The following CFTR variants were observed in gnomAD, a reference collection of about 807,000 sequenced individuals.
CFTR encodes CF transmembrane conductance regulator.
In CFTR, 181 loss-of-function variants were observed where a neutral mutation model predicts 171.6. The observed-to-expected ratio is 1.05, with a 90% CI of 0.93 to 1.19. CFTR has a LOEUF of 1.19. Among genes scored for constraint, CFTR ranks in the 50% most tolerant of loss-of-function variants. CFTR has a pLI of 0.00. For missense variants in CFTR, 1,968 were observed against 1,734.7 expected, an observed-to-expected ratio of 1.13 and a Z score of -2.39; for synonymous variants, 583 against 608.0, an observed-to-expected ratio of 0.96 and a Z score of 0.60.
At chr7:117,596,353 G>A (rs1349652377) in intron 15 of CFTR, among the ~76,000 whole-genome samples, 1 of 152,190 alleles carries the variant, frequency 6.6e-6, no homozygotes, top group Non-Finnish European at 1.5e-5. Flanking sequence ...GGCAGGGCTC[G>A]GGACCTGCAG....
intron 10 of CFTR, among the ~76,000 whole-genome samples, chr7:117,556,069 A>C (rs977595035): frequency 6.6e-6 from 1 of 151,904 alleles, no homozygotes; most frequent in South Asian, 2.1e-4. Flanking sequence ...TTTGTTATTA[A>C]TATTACTATT....
At chr7:117,603,040 C>T (rs934614195) in intron 16 of CFTR, among the ~76,000 whole-genome samples, 177 bp downstream of exon 16, 1 of 152,152 alleles carries the variant, frequency 6.6e-6, no homozygotes, top group Non-Finnish European at 1.5e-5. Flanking sequence ...TGAGGTGACA[C>T]ATTCCTGTAG....
At chr7:117,481,154 T>G (rs1797995251) in intron 1 of CFTR, among the ~76,000 whole-genome samples, 1 of 152,250 alleles carries the variant, frequency 6.6e-6, no homozygotes, top group African/African-American at 2.4e-5. Flanking sequence ...TCTCTGCATG[T>G]GCAGTTAATC....
At chr7:117,539,137 G>A (rs1449585044) in intron 7 of CFTR, among the ~76,000 whole-genome samples, 1 of 152,120 alleles carries the variant, frequency 6.6e-6, no homozygotes, top group Non-Finnish European at 1.5e-5. Flanking sequence ...AGAGCTGGGT[G>A]GGGAGGATCA....
At chr7:117,518,305 T>C (rs1235479605) in intron 3 of CFTR, among the ~76,000 whole-genome samples, 1 of 147,300 alleles carries the variant, frequency 6.8e-6, no homozygotes, top group African/African-American at 2.5e-5. Context: ...TAATACAATA[T>C]ATATTATAAT....
chr7:117,551,937 G>C (rs1799277903), intron 10 of CFTR, among the ~76,000 whole-genome samples: 1 of 152,026 alleles, frequency 6.6e-6, no homozygotes. Context: ...TAATAACTGG[G>C]ACTCATATGT....
At chr7:117,565,852 A>G (rs34568382) in intron 11 of CFTR, among the ~76,000 whole-genome samples, 86 of 152,264 alleles carry the variant, frequency 5.6e-4, no homozygotes, top group African/African-American at 2.0e-3. Flanking sequence ...ATTGGCAAGA[A>G]GTATGAAAAA....
At chr7:117,563,030 G>A (rs1584800018) in intron 11 of CFTR, among the ~76,000 whole-genome samples, 1 of 152,132 alleles carries the variant, frequency 6.6e-6, no homozygotes, top group East Asian at 1.9e-4. Flanking sequence ...GGGGAATGAT[G>A]TAATCAGCTT....
chr7:117,664,599 C>T, intron 24 of CFTR, 89 bp from the exon 25 acceptor site: 2 of 1,231,590 alleles, frequency 1.6e-6, no homozygotes, highest in South Asian at 1.2e-5. Flanking sequence ...AAAACATAAG[C>T]TTTCAGAACT....
intron 22 of CFTR, among the ~76,000 whole-genome samples, chr7:117,630,359 T>C (rs1234424856): frequency 1.3e-5 from 2 of 152,226 alleles, no homozygotes; most frequent in East Asian, 1.9e-4. Context: ...AGGTTTTATA[T>C]AGGAAGTGGC....
At chr7:117,629,736 C>T (rs576249572) in intron 22 of CFTR, among the ~76,000 whole-genome samples, 19 of 152,272 alleles carry the variant, frequency 1.2e-4, no homozygotes, top group African/African-American at 3.6e-4. Context: ...CGTGAGAGAG[C>T]TTAATCTAAA....
In CFTR at chr7:117,588,080, C is replaced by T. The variant is rs774332338; in HGVS notation, c.1679+247C>T. Among the ~76,000 whole-genome samples the T allele has an allele frequency of 5.9e-5, 9 of 151,894 alleles. No individual in the cohort carries two copies. The highest frequency in any genetic ancestry group is 1.0e-4 in the Non-Finnish European group (7 of 68,000). On this transcript the variant is annotated intron_variant, in intron 12 of 26. Transcript: ENST00000003084. ...TTGGTGTCAGTGTATTTGTTTGCCT[C>T]ATAGTATAGTTTACTACAAATGGAA...
chr7:117,651,002 A>T (rs759412330), intron 23 of CFTR, among the ~76,000 whole-genome samples: 1 of 152,166 alleles, frequency 6.6e-6, no homozygotes, highest in Non-Finnish European at 1.5e-5. Context: ...GTGACCTTGG[A>T]CAAGTCACTT....
intron 23 of CFTR, among the ~76,000 whole-genome samples, chr7:117,648,354 A>G (rs1793029963): frequency 6.6e-6 from 1 of 152,062 alleles, no homozygotes; most frequent in Non-Finnish European, 1.5e-5. Context: ...AGTGAAATAT[A>G]CATGAGCAAC....
intron 10 of CFTR, among the ~76,000 whole-genome samples, chr7:117,550,669 T>A (rs1206417028): frequency 4.1e-4 from 63 of 152,352 alleles, no homozygotes; most frequent in African/African-American, 1.5e-3. Flanking sequence ...CAAGATCAAT[T>A]CTATGATAGA....
chr7:117,530,865 G>A lies in CFTR; in HGVS notation c.274-34G>A, dbSNP rs747429689. On this transcript the variant is annotated intron_variant, in intron 3 of 26. Coordinates refer to ENST00000003084, the MANE Select transcript of CFTR (RefSeq NM_000492.4). Reference sequence around the variant, plus strand: ...TCAGGGTATTTTATGAGAAATAAATGAAATTTAATTTCTCTGTTTTTCCCC... The same window carrying A: ...TCAGGGTATTTTATGAGAAATAAATAAAATTTAATTTCTCTGTTTTTCCCC... The A allele has an allele frequency of 3.6e-6, 5 of 1,371,448 alleles. No homozygotes were observed. The South Asian group carries it at 5.9e-5, about 16-fold the overall frequency. 85.0% of individuals were successfully genotyped at this position (1,371,448 alleles called of 1,614,324 possible).
intron 1 of CFTR, among the ~76,000 whole-genome samples, chr7:117,488,240 CTT>C (rs929484872): frequency 5.3e-5 from 8 of 152,084 alleles, no homozygotes; most frequent in Admixed American, 6.6e-5. Flanking sequence ...TTTCATATAA[CTT>C]TTACATGTTG....
chr7:117,599,569 T>G (rs542683164), intron 15 of CFTR, among the ~76,000 whole-genome samples: 47 of 147,930 alleles, frequency 3.2e-4, no homozygotes, highest in Admixed American at 6.0e-4. Flanking sequence ...ACAATTGATA[T>G]TGCCCTTTTC....
At chr7:117,612,037 A>ATATATATATATATATATATG (rs1792409521) in intron 20 of CFTR, among the ~76,000 whole-genome samples, 1 of 73,382 alleles carries the variant, frequency 1.4e-5, no homozygotes, top group Non-Finnish European at 2.8e-5. Context: ...ATATATATAT[A>ATATATATATATATATATATG]TATATATATA....
Sources: gnomAD v4.1 joint callset for allele counts (sites outside exome capture counted in the v4.1 genomes callset) on GRCh38, gnomAD v4.1.1 for gene constraint, MANE v1.5 for transcripts, NCBI Gene and HGNC (gene_info 2026-07-23, HGNC 2026-07-21) for gene names.